PDK1: variants seen among roughly 807,000 people sequenced by gnomAD.
The protein encoded by PDK1 is [Pyruvate dehydrogenase (acetyl-transferring)] kinase isozyme 1, mitochondrial.
In PDK1, 39 loss-of-function variants were observed where a neutral mutation model predicts 54.2. The ratio of observed to expected loss-of-function variants is 0.72; its 90% CI spans 0.56 to 0.94. PDK1 has a LOEUF of 0.94. Among genes scored for constraint, PDK1 ranks in the 40% least tolerant of loss-of-function variants. The pLI, the probability that PDK1 is intolerant of heterozygous loss-of-function variation, is 0.00. For synonymous variants in PDK1, 221 were observed against 207.1 expected, an observed-to-expected ratio of 1.07 and a Z score of -0.58; for missense variants, 552 against 566.0, an observed-to-expected ratio of 0.98 and a Z score of 0.25.
the PDK1 span, among the ~76,000 whole-genome samples, chr2:172,683,155 G>C: frequency 6.6e-6 from 1 of 151,966 alleles, no homozygotes. Flanking sequence ...GACCATTCTG[G>C]CGAACACAGT....
chr2:172,572,385 T>C (rs1455392718), intron 8 of PDK1, among the ~76,000 whole-genome samples: 1 of 152,242 alleles, frequency 6.6e-6, no homozygotes, highest in Admixed American at 6.5e-5. Flanking sequence ...TATTCAAGTA[T>C]TGCCGCTGTC....
chr2:172,635,402 C>T, the PDK1 span, among the ~76,000 whole-genome samples: 1 of 152,054 alleles, frequency 6.6e-6, no homozygotes, highest in African/African-American at 2.4e-5. Flanking sequence ...TGTAACCTCC[C>T]CCTCCCGGGT....
At chr2:172,656,849 C>T in the PDK1 span, among the ~76,000 whole-genome samples, 1 of 152,154 alleles carries the variant, frequency 6.6e-6, no homozygotes, top group Non-Finnish European at 1.5e-5. Context: ...CCCACCCACA[C>T]ATGAGGGGAA....
the PDK1 span, among the ~76,000 whole-genome samples, chr2:172,708,282 A>T: frequency 5.9e-5 from 9 of 152,132 alleles, no homozygotes; most frequent in Non-Finnish European, 1.0e-4. Flanking sequence ...GAGTGAAAAA[A>T]AAAAAAGAAA....
chr2:172,667,937 C>G, the PDK1 span, among the ~76,000 whole-genome samples: 2 of 152,184 alleles, frequency 1.3e-5, no homozygotes, highest in African/African-American at 4.8e-5. Context: ...GCATTGTTAT[C>G]CAGTAAGATT....
In PDK1 at chr2:172,564,522, CG is replaced by C; in HGVS notation, c.432del (p.Ile145SerfsTer16). On this transcript the variant is annotated frameshift_variant, in exon 4 of 11. Transcript: ENST00000282077. LOFTEE classifies it high-confidence loss of function. ...AIYDFTDTVI[R>X]IRNRHNDVIP... ...GTTTAGCTTTACAGATACTGTGATACGGATCAGAAACCGACACAATGATGTC... is the reference window on the plus strand; with the variant it reads ...GTTTAGCTTTACAGATACTGTGATACGATCAGAAACCGACACAATGATGTC... 3 of 1,613,742 alleles carry C rather than the reference CG, an allele frequency of 1.9e-6. No individual in the cohort carries two copies. The highest frequency in any genetic ancestry group is 2.2e-5 in the South Asian group (2 of 91,046).
the PDK1 span, among the ~76,000 whole-genome samples, chr2:172,646,463 G>C: frequency 6.5e-3 from 992 of 151,716 alleles, 10 homozygotes; most frequent in African/African-American, 0.022. Context: ...AAGAAAAGGA[G>C]AATGTTGAAT....
chr2:172,613,798 A>G, the PDK1 span, among the ~76,000 whole-genome samples: 2 of 152,080 alleles, frequency 1.3e-5, no homozygotes, highest in South Asian at 4.1e-4. Flanking sequence ...TCTCCTTCTG[A>G]GTTGGGACAG....
the PDK1 span, among the ~76,000 whole-genome samples, chr2:172,710,908 C>A: frequency 6.6e-6 from 1 of 152,238 alleles, no homozygotes; most frequent in African/African-American, 2.4e-5. Context: ...ACAATTACAT[C>A]ACGTAACTAA....
At chr2:172,609,401 C>G (rs1442072095), downstream of PDK1, among the ~76,000 whole-genome samples, 1 of 152,178 alleles carries the variant, frequency 6.6e-6, no homozygotes, top group East Asian at 1.9e-4. Context: ...TAAACACAAT[C>G]TGAAATTTTA....
chr2:172,686,829 GTCTA>G, the PDK1 span, among the ~76,000 whole-genome samples: 14 of 152,302 alleles, frequency 9.2e-5, no homozygotes, highest in African/African-American at 3.1e-4. Context: ...CCATTTATGT[GTCTA>G]TCTATCTATA....
the PDK1 span, among the ~76,000 whole-genome samples, chr2:172,621,759 CAT>C: frequency 4.9e-3 from 709 of 144,656 alleles, 24 homozygotes; most frequent in African/African-American, 0.017. Context: ...GTTTATATCT[CAT>C]ATATGTCATA....
At chr2:172,656,403 C>T in the PDK1 span, among the ~76,000 whole-genome samples, 2 of 152,088 alleles carry the variant, frequency 1.3e-5, no homozygotes, top group African/African-American at 2.4e-5. Flanking sequence ...GTGGTGAGCC[C>T]GTGTCCCTGG....
At chr2:172,647,430 G>A in the PDK1 span, among the ~76,000 whole-genome samples, 6 of 152,100 alleles carry the variant, frequency 3.9e-5, no homozygotes, top group African/African-American at 7.2e-5. Context: ...GTAAGAAACT[G>A]CTCAAAAAAT....
the PDK1 span, among the ~76,000 whole-genome samples, chr2:172,717,782 C>G: frequency 8.5e-5 from 13 of 152,158 alleles, no homozygotes; most frequent in Non-Finnish European, 1.8e-4. Flanking sequence ...TTCCACTCTC[C>G]TCCTACCCAA....
the PDK1 span, among the ~76,000 whole-genome samples, chr2:172,643,740 C>T: frequency 0.075 from 11,447 of 152,224 alleles, 1,078 homozygotes; most frequent in African/African-American, 0.22. Context: ...GGACAGGCCT[C>T]TGGTTAAGGG....
At chr2:172,567,434 G>A (rs1381206001) in intron 6 of PDK1, among the ~76,000 whole-genome samples, 1 of 152,188 alleles carries the variant, frequency 6.6e-6, no homozygotes, top group Non-Finnish European at 1.5e-5. Flanking sequence ...GGGTTTAGAT[G>A]CCTTGAAGAG....
chr2:172,699,199 T>C, the PDK1 span, among the ~76,000 whole-genome samples: 10 of 152,338 alleles, frequency 6.6e-5, no homozygotes, highest in South Asian at 2.1e-3. Flanking sequence ...AATTACGCTA[T>C]TTTTTATGGC....
Position 172,567,076 on chromosome 2 carries a change from T to C in PDK1, c.769+143T>C, listed in dbSNP as rs1688995770. On this transcript the variant is annotated intron_variant, in intron 6 of 10. Coordinates refer to ENST00000282077, the MANE Select transcript of PDK1 (RefSeq NM_002610.5). ...TAAAGGATAGTAATCATGTAAAAAA[T>C]ATATCTATAAACATATGTAATTTAG... 3 of 490,346 alleles carry C rather than the reference T, an allele frequency of 6.1e-6. No individual in the cohort carries two copies. In the Admixed American group the frequency reaches 1.2e-4, roughly 19 times the overall value. 30.4% of individuals were successfully genotyped at this position (490,346 alleles called of 1,614,324 possible). A position where few individuals can be genotyped will look rare whatever the true frequency, so the allele number is the denominator to read the frequency against.
Sources: gnomAD v4.1 joint callset for allele counts (sites outside exome capture counted in the v4.1 genomes callset) on GRCh38, gnomAD v4.1.1 for gene constraint, MANE v1.5 for transcripts, NCBI Gene and HGNC (gene_info 2026-07-23, HGNC 2026-07-21) for gene names.